Variants in EDA observed in about 807,000 individuals in gnomAD.
The protein encoded by EDA is ectodysplasin A, also known as ectodysplasin-A.
EDA carries 2 observed loss-of-function variants against 23.6 expected under a neutral mutation model. The observed-to-expected ratio is 0.08, with a 90% CI of 0.03 to 0.27. The LOEUF (loss-of-function observed/expected upper bound fraction) is 0.27, where lower values mean the gene tolerates loss of function less well. EDA is among the 10% of genes least tolerant of loss of function. EDA has a pLI of 1.00. For synonymous variants in EDA, 131 were observed against 132.0 expected, an observed-to-expected ratio of 0.99 and a Z score of 0.05; for missense variants, 229 against 324.2, an observed-to-expected ratio of 0.71 and a Z score of 2.26.
intron 1 of EDA, among the ~76,000 whole-genome samples, chrX:69,882,931 A>G (rs1349959213): frequency 9.0e-6 from 1 of 111,117 alleles, no homozygotes; most frequent in Non-Finnish European, 1.9e-5. Context: ...CGAACTCCCA[A>G]CCTCAGGTGA....
chrX:69,682,677 G>A (rs1015582452), intron 1 of EDA, among the ~76,000 whole-genome samples: 4 of 111,448 alleles, frequency 3.6e-5, no homozygotes, highest in African/African-American at 9.8e-5. Context: ...GCCCTGCTTC[G>A]GCTCGCACAC....
intron 1 of EDA, among the ~76,000 whole-genome samples, chrX:69,781,209 A>G (rs1475324556): frequency 9.0e-6 from 1 of 111,551 alleles, no homozygotes; most frequent in Non-Finnish European, 1.9e-5. Context: ...ACACTCATGT[A>G]TAAGTTTTCG....
At chrX:69,645,061 T>C (rs1932891572) in intron 1 of EDA, among the ~76,000 whole-genome samples, 1 of 111,025 alleles carries the variant, frequency 9.0e-6, no homozygotes, top group Non-Finnish European at 1.9e-5. Context: ...TAACGTTTTC[T>C]TTTTTTTGTT....
chrX:69,923,166 T>A (rs2018461005), intron 1 of EDA, among the ~76,000 whole-genome samples: 1 of 111,737 alleles, frequency 8.9e-6, no homozygotes, highest in Non-Finnish European at 1.9e-5. Flanking sequence ...TTGATGGCCT[T>A]TCTTAAAATT....
intron 1 of EDA, among the ~76,000 whole-genome samples, chrX:69,798,332 A>G (rs1225959152): frequency 2.7e-5 from 3 of 112,024 alleles, no homozygotes. Context: ...AGACATTTAC[A>G]GAACAGTTTA....
intron 1 of EDA, among the ~76,000 whole-genome samples, chrX:69,819,911 A>C (rs1489272647): frequency 3.3e-4 from 34 of 104,274 alleles, no homozygotes; most frequent in East Asian, 9.1e-4. Flanking sequence ...AAAAAAAAAA[A>C]AACAAAAAAC....
At chrX:69,692,594 A>G (rs1394485245) in intron 1 of EDA, among the ~76,000 whole-genome samples, 1 of 112,137 alleles carries the variant, frequency 8.9e-6, no homozygotes, top group Non-Finnish European at 1.9e-5. Flanking sequence ...GTGGGTGGTG[A>G]TAACAGGATT....
intron 1 of EDA, among the ~76,000 whole-genome samples, chrX:69,785,672 A>T (rs1169555671): frequency 3.7e-5 from 4 of 108,782 alleles, no homozygotes; most frequent in Non-Finnish European, 5.8e-5. Flanking sequence ...AAGCTTTTTG[A>T]TGTGCTGCTG....
intron 1 of EDA, among the ~76,000 whole-genome samples, chrX:69,944,458 G>C (rs2018806234): frequency 9.0e-6 from 1 of 111,729 alleles, no homozygotes; most frequent in Non-Finnish European, 1.9e-5. Context: ...GATGTGTTTA[G>C]AAATGTCCTC....
intron 2 of EDA, among the ~76,000 whole-genome samples, chrX:69,994,682 C>A (rs2019632815): frequency 8.9e-6 from 1 of 111,835 alleles, no homozygotes; most frequent in Admixed American, 9.5e-5. Context: ...AAGGTTAAAG[C>A]AGCTTACAGT....
chrX:69,824,143 C>T (rs1301195877), intron 1 of EDA, among the ~76,000 whole-genome samples: 6 of 108,626 alleles, frequency 5.5e-5, no homozygotes, highest in Non-Finnish European at 1.1e-4. Context: ...ATGCCTCCAG[C>T]TTTGTTCTTT....
At chrX:69,956,137 A>G (rs2018996680) in intron 1 of EDA, among the ~76,000 whole-genome samples, 1 of 111,295 alleles carries the variant, frequency 9.0e-6, no homozygotes, top group Admixed American at 9.5e-5. Context: ...CTCCCAGAAG[A>G]GCATTGACAA....
chrX:69,726,446 A>G (rs767252123), intron 1 of EDA, among the ~76,000 whole-genome samples: 33 of 112,506 alleles, frequency 2.9e-4, no homozygotes, highest in African/African-American at 9.7e-4. Flanking sequence ...CAACCTTAGC[A>G]GGATTAATGT....
intron 1 of EDA, among the ~76,000 whole-genome samples, chrX:69,810,026 CTG>C: frequency 3.7e-5 from 4 of 107,129 alleles, no homozygotes; most frequent in Non-Finnish European, 7.8e-5. Context: ...CTTTGGGGGG[CTG>C]AGGTGGGCGG....
intron 1 of EDA, among the ~76,000 whole-genome samples, chrX:69,953,364 C>T (rs1449621726): frequency 8.9e-6 from 1 of 111,844 alleles, no homozygotes; most frequent in Admixed American, 9.5e-5. Flanking sequence ...TCACATCCAC[C>T]AGAATGGTGG....
At chrX:69,656,596 A>G (rs1933329357) in intron 1 of EDA, among the ~76,000 whole-genome samples, 2 of 111,423 alleles carry the variant, frequency 1.8e-5, no homozygotes, top group African/African-American at 3.3e-5. Context: ...GATTTATCCC[A>G]TCACTTAGGT....
At chrX:69,655,051 G>A (rs766076557) in intron 1 of EDA, among the ~76,000 whole-genome samples, 2 of 111,542 alleles carry the variant, frequency 1.8e-5, no homozygotes, top group East Asian at 5.6e-4. Flanking sequence ...CTTAACAAAT[G>A]TTCATAAACT....
At chrX:69,948,515 C>T (rs1174336587) in intron 1 of EDA, among the ~76,000 whole-genome samples, 1 of 111,873 alleles carries the variant, frequency 8.9e-6, no homozygotes, top group Non-Finnish European at 1.9e-5. Flanking sequence ...ACCACCACCC[C>T]CACCCCACTG....
intron 1 of EDA, among the ~76,000 whole-genome samples, chrX:69,679,452 T>C (rs1355303542): frequency 1.8e-5 from 2 of 111,612 alleles, no homozygotes; most frequent in African/African-American, 6.5e-5. Flanking sequence ...CATCTGGTCC[T>C]GGACTCTTGG....
Sources: allele counts gnomAD v4.1 joint callset (sites outside exome capture counted in the v4.1 genomes callset), GRCh38; gene constraint gnomAD v4.1.1; transcripts MANE v1.5; gene names NCBI Gene and HGNC (gene_info 2026-07-23, HGNC 2026-07-21).